The following HCRTR2 variants were observed in gnomAD, a reference collection of about 807,000 sequenced individuals.
HCRTR2 encodes the protein hypocretin receptor 2, also known as orexin receptor type 2.
A neutral mutation model predicts 49.0 loss-of-function variants in HCRTR2; 22 were observed. That is an observed-to-expected ratio of 0.45 (90% CI 0.32 to 0.64). The LOEUF is 0.64. Among genes scored for constraint, HCRTR2 ranks in the 30% least tolerant of loss-of-function variants. The pLI, the probability that HCRTR2 is intolerant of heterozygous loss-of-function variation, is 0.04. For missense variants in HCRTR2, 491 were observed against 559.4 expected, an observed-to-expected ratio of 0.88 and a Z score of 1.23; for synonymous variants, 236 against 205.3, an observed-to-expected ratio of 1.15 and a Z score of -1.28.
intron 2 of HCRTR2, among the ~76,000 whole-genome samples, chr6:55,254,037 TAAAAAC>T (rs1766602689): frequency 6.6e-6 from 1 of 151,998 alleles, no homozygotes; most frequent in Non-Finnish European, 1.5e-5. Context: ...AAATAGAAGT[TAAAAAC>T]AAAATATTTC....
chr6:55,277,611 T>C lies in HCRTR2; in HGVS notation c.983+11T>C, dbSNP rs1018194683. ...CAATGTGCTAAAGAGGTAAAACTTA[T>C]CTGTTATTTGAAAATGAAATAGCCT... On this transcript the variant is annotated intron_variant, in intron 5 of 6. Transcript: ENST00000370862. 2.5e-6 allele frequency: 4 copies of C among 1,583,830 alleles called. No homozygotes were observed. In the African/African-American group the frequency reaches 4.0e-5, roughly 16 times the overall value.
chr6:55,284,171 T>C (rs9475226), downstream of HCRTR2, among the ~76,000 whole-genome samples: 3,594 of 152,026 alleles, frequency 0.024, 142 homozygotes, highest in African/African-American at 0.082. Context: ...GAAGAGTAAA[T>C]TCCTTAGACC....
At chr6:55,173,811 C>T (rs924689352), upstream of HCRTR2, among the ~76,000 whole-genome samples, 2 of 152,174 alleles carry the variant, frequency 1.3e-5, no homozygotes, top group Non-Finnish European at 2.9e-5. Context: ...TAAAAACAGT[C>T]TCATTCTCAA....
intron 1 of HCRTR2, among the ~76,000 whole-genome samples, chr6:55,202,254 TG>T (rs1221115456): frequency 3.3e-5 from 5 of 152,214 alleles, no homozygotes; most frequent in Non-Finnish European, 7.3e-5. Context: ...TGCATATATT[TG>T]TTTTGTCTCT....
At chr6:55,189,815 A>G (rs1294674145) in intron 1 of HCRTR2, among the ~76,000 whole-genome samples, 1 of 152,230 alleles carries the variant, frequency 6.6e-6, no homozygotes, top group Non-Finnish European at 1.5e-5. Context: ...TTATTAAAAA[A>G]AGAAAAAGAC....
intron 1 of HCRTR2, among the ~76,000 whole-genome samples, chr6:55,113,588 C>T (rs10456179): frequency 0.38 from 57,042 of 151,342 alleles, 11,095 homozygotes; most frequent in Middle Eastern, 0.44. Flanking sequence ...TGATACCACC[C>T]TACTCCTGCA....
Position 55,123,867 on chromosome 6 carries a change from G to T in HCRTR2, c.-378+17322G>T, listed in dbSNP as rs556326501. Reference sequence around the variant, plus strand: ...GGTTTAAACTTGGGAGAGTGTATGTGTCCAGAAATTTATCCATTTCTTCTA... The same window carrying T: ...GGTTTAAACTTGGGAGAGTGTATGTTTCCAGAAATTTATCCATTTCTTCTA... On this transcript the variant is annotated intron_variant, in intron 1 of 7. Transcript: ENST00000615358. 2.6e-4 allele frequency among the ~76,000 whole-genome samples: 39 copies of T among 152,270 alleles called. No homozygotes were observed. In the South Asian group the frequency reaches 7.1e-3, roughly 28 times the overall value.
intron 1 of HCRTR2, among the ~76,000 whole-genome samples, chr6:55,153,023 TC>T (rs1764683606): frequency 6.6e-6 from 1 of 152,022 alleles, no homozygotes; most frequent in Non-Finnish European, 1.5e-5. Flanking sequence ...CTTATGGTCA[TC>T]TTTTAAGTTT....
intron 2 of HCRTR2, among the ~76,000 whole-genome samples, chr6:55,250,438 C>T (rs755742945): frequency 9.3e-4 from 142 of 152,010 alleles, no homozygotes; most frequent in Non-Finnish European, 1.4e-3. Flanking sequence ...CAATAACTAC[C>T]CAGGAGAATA....
intron 1 of HCRTR2, among the ~76,000 whole-genome samples, chr6:55,162,160 C>A (rs749784183): frequency 2.0e-5 from 3 of 152,192 alleles, no homozygotes; most frequent in Non-Finnish European, 2.9e-5. Context: ...GGCTTCATAC[C>A]TGGCATGCAA....
chr6:55,269,006 C>T (rs1246851526), intron 4 of HCRTR2, among the ~76,000 whole-genome samples: 4 of 148,218 alleles, frequency 2.7e-5, no homozygotes, highest in Admixed American at 6.9e-5. Context: ...AGGAGAATGG[C>T]GTGAACCCGG....
intron 1 of HCRTR2, among the ~76,000 whole-genome samples, chr6:55,110,130 A>G (rs73438552): frequency 0.037 from 5,682 of 152,192 alleles, 348 homozygotes; most frequent in African/African-American, 0.13. Context: ...AGGTTCATAA[A>G]TAAAGGAAAG....
chr6:55,231,639 C>T (rs1766116555), intron 1 of HCRTR2, among the ~76,000 whole-genome samples: 1 of 151,950 alleles, frequency 6.6e-6, no homozygotes, highest in Admixed American at 6.6e-5. Flanking sequence ...CCTACTCCAT[C>T]CAAAAAATTG....
chr6:55,263,372 T>G (rs1387811275), intron 3 of HCRTR2, among the ~76,000 whole-genome samples: 1 of 152,038 alleles, frequency 6.6e-6, no homozygotes, highest in Non-Finnish European at 1.5e-5. Context: ...CCAAATTAAT[T>G]TTGTTAATTA....
intron 1 of HCRTR2, among the ~76,000 whole-genome samples, chr6:55,180,796 C>CT (rs890674861): frequency 6.6e-6 from 1 of 151,344 alleles, no homozygotes; most frequent in Admixed American, 6.6e-5. Context: ...AATAGATGAA[C>CT]TTTTTTTAAT....
intron 3 of HCRTR2, among the ~76,000 whole-genome samples, chr6:55,259,818 C>G (rs1766721304): frequency 6.6e-6 from 1 of 152,010 alleles, no homozygotes; most frequent in African/African-American, 2.4e-5. Flanking sequence ...ATACAAATGT[C>G]TTAAATACAT....
At chr6:55,283,201 T>C (rs1767230384), downstream of HCRTR2, among the ~76,000 whole-genome samples, 1 of 152,230 alleles carries the variant, frequency 6.6e-6, no homozygotes, top group African/African-American at 2.4e-5. Flanking sequence ...AGTGATATAG[T>C]CAGCCTTGCT....
At chr6:55,232,427 TC>T (rs1766133491) in intron 1 of HCRTR2, among the ~76,000 whole-genome samples, 1 of 152,196 alleles carries the variant, frequency 6.6e-6, no homozygotes, top group Non-Finnish European at 1.5e-5. Context: ...TGTTGTTCTT[TC>T]CTTGAATAGA....
At chr6:55,182,061 G>A (rs532663642) in intron 1 of HCRTR2, among the ~76,000 whole-genome samples, 20 of 152,278 alleles carry the variant, frequency 1.3e-4, no homozygotes, top group African/African-American at 4.6e-4. Context: ...AATTTTCATT[G>A]GCTTAGTATC....
Sources: allele counts gnomAD v4.1 joint callset (sites outside exome capture counted in the v4.1 genomes callset), GRCh38; gene constraint gnomAD v4.1.1; transcripts MANE v1.5; gene names NCBI Gene and HGNC (gene_info 2026-07-23, HGNC 2026-07-21).